The following ACTR5 variants were observed in gnomAD, a reference collection of about 807,000 sequenced individuals.
The protein encoded by ACTR5 is actin-related protein 5.
ACTR5 carries 43 observed loss-of-function variants against 61.2 expected under a neutral mutation model. That is an observed-to-expected ratio of 0.70 (90% CI 0.55 to 0.91). The LOEUF (loss-of-function observed/expected upper bound fraction) is 0.91, where lower values mean the gene tolerates loss of function less well. ACTR5 is among the 40% of genes least tolerant of loss of function. ACTR5 has a pLI of 0.00. For missense variants in ACTR5, 798 were observed against 782.2 expected, an observed-to-expected ratio of 1.02 and a Z score of -0.24; for synonymous variants, 333 against 310.5, an observed-to-expected ratio of 1.07 and a Z score of -0.76.
chr20:38,750,186 A>G lies in ACTR5; in HGVS notation c.552A>G (p.Leu184=), dbSNP rs766502357. The G allele has an allele frequency of 1.9e-6, 3 of 1,614,220 alleles. No homozygotes were observed. Among genetic ancestry groups the G allele is most frequent in the Non-Finnish European group, 2.5e-6 (3 of 1,180,038 alleles). ...CAAAGAACTCGATGTGCAGTGGGCT[A>G]ATCATTTCATCTGGATACCAGTGTA... The part of the protein sequence containing the change: ...NKPKNSMCSG[L]IISSGYQCTH... Residue 184 remains leucine (L), a synonymous_variant, in exon 2 of 9, where the codon CTA becomes CTG. Transcript: ENST00000243903.
At chr20:38,758,995 T>G (rs973484987) in intron 5 of ACTR5, among the ~76,000 whole-genome samples, 2 of 152,250 alleles carry the variant, frequency 1.3e-5, no homozygotes, top group African/African-American at 4.8e-5. Flanking sequence ...CTTGCTATTC[T>G]GCAGTTGTTT....
rs1268784822 is a variant in ACTR5 at position 38,765,460 on chromosome 20, T to C, written c.1235T>C (p.Phe412Ser). The change falls in exon 6 of 9, where the codon TTT becomes TCT. Residue 412 changes from phenylalanine to serine, a missense_variant. Physicochemically the swap from Phe to Ser is radical, Grantham distance 155. Transcript: ENST00000243903. ...GAAGATGTGGAAAGCATGAATGATT[T>C]TGATCCCTTGTTTTCAGAGGAAACA... ...SLEDVESMND[F>S]DPLFSEETPG... is the part of the protein sequence containing the mutation. 3 of 1,614,038 alleles carry C rather than the reference T, an allele frequency of 1.9e-6. No individual in the cohort carries two copies. The highest frequency in any genetic ancestry group is 1.3e-5 in the African/African-American group (1 of 74,912).
chr20:38,763,552 T>A (rs1021243590), intron 5 of ACTR5, among the ~76,000 whole-genome samples: 1 of 152,226 alleles, frequency 6.6e-6, no homozygotes, highest in African/African-American at 2.4e-5. Flanking sequence ...CCCAATTGTC[T>A]TATCCTTAGC....
chr20:38,771,012 G>A (rs117699981), intron 8 of ACTR5, among the ~76,000 whole-genome samples: 3,199 of 152,308 alleles, frequency 0.021, 61 homozygotes, highest in South Asian at 0.083. Context: ...CAGCCTAGCC[G>A]AGGGCCTTCT....
rs1335062921 is a variant in ACTR5, at chr20:38,755,164, T to C, written c.983T>C (p.Leu328Pro). The stretch of plus-strand genomic sequence containing the variant: ...GATCAGGAGCGTCTGGACCGACTGC[T>C]ATATGTGCAGGTAATAGCAGACACA... ...QLDQERLDRL[L>P]YVQELLEDGQ... The change falls in exon 4 of 9, where the codon CTA becomes CCA. Residue 328 changes from leucine (L) to proline (P), a missense_variant. By Grantham distance (98) the Leu-to-Pro change is moderately conservative (BLOSUM62 -3). Transcript: ENST00000243903. The C allele has an allele frequency of 6.2e-7, 1 of 1,610,142 alleles. No individual in the cohort carries two copies. The highest frequency in any genetic ancestry group is 1.1e-5 in the South Asian group (1 of 90,544).
intron 5 of ACTR5, among the ~76,000 whole-genome samples, chr20:38,764,364 A>G (rs2084472866): frequency 6.6e-6 from 1 of 152,198 alleles, no homozygotes; most frequent in Non-Finnish European, 1.5e-5. Flanking sequence ...ATGCAACTAA[A>G]TATTTCTACC....
intron 5 of ACTR5, chr20:38,761,468 C>T (rs538566532): frequency 6.6e-6 from 1 of 152,358 alleles, no homozygotes; most frequent in African/African-American, 2.4e-5. Context: ...GAATGGTCAG[C>T]TTAACCTAGG....
At position 38,771,237 on chromosome 20, in the gene ACTR5, A is replaced by G. The variant is rs575124135; in HGVS notation, c.1567-322A>G. On this transcript the variant is annotated intron_variant, in intron 8 of 8. Transcript: ENST00000243903. ...AGGCCTTTTCCCCAGGTCACGGGCCAGCCTCCACTTCACCTCTCCCTGACA... is the reference window on the plus strand; with the variant it reads ...AGGCCTTTTCCCCAGGTCACGGGCCGGCCTCCACTTCACCTCTCCCTGACA... Among the ~76,000 whole-genome samples, 130 of 152,348 alleles carry G rather than the reference A, an allele frequency of 8.5e-4. 1 individual carries two copies. Among genetic ancestry groups the G allele is most frequent in the African/African-American group, 2.8e-3 (116 of 41,582 alleles).
Position 38,748,498 on chromosome 20 carries a change from C to G in ACTR5, c.20C>G (p.Pro7Arg). Residue 7 changes from proline (P) to arginine (R), a missense_variant, in exon 1 of 9, where the codon CCG (proline) becomes CGG (arginine). Coordinates refer to ENST00000243903, the MANE Select transcript of ACTR5 (RefSeq NM_024855.4). MAANVF[P>R]FRDARAAPDP... ...TCCAAGATGGCGGCGAACGTGTTCC[C>G]GTTCCGCGACGCCCGTGCCGCACCG... 2 of 1,494,104 alleles carry G rather than the reference C, an allele frequency of 1.3e-6. No homozygotes were observed. The allele number at this position is 1,494,104 out of a possible 1,614,324, so 92.6% of individuals were successfully genotyped here. A position where few individuals can be genotyped will look rare whatever the true frequency, so the allele number is the denominator to read the frequency against.
At chr20:38,748,916 C>G in intron 1 of ACTR5, 63 bp downstream of exon 1, 1 of 1,524,998 alleles carries the variant, frequency 6.6e-7, no homozygotes, top group Non-Finnish European at 8.8e-7. Context: ...CTCGTCTCCG[C>G]TCACTCTGCT....
At chr20:38,749,322 A>G (rs1047010604) in intron 1 of ACTR5, among the ~76,000 whole-genome samples, 3 of 152,230 alleles carry the variant, frequency 2.0e-5, no homozygotes, top group Admixed American at 6.5e-5. Context: ...TGTTTGAGCA[A>G]GGACTTGAAG....
chr20:38,754,674 G>A (rs555041436), intron 3 of ACTR5, among the ~76,000 whole-genome samples: 66 of 152,028 alleles, frequency 4.3e-4, no homozygotes, highest in Middle Eastern at 6.8e-3. Context: ...AGCCGAGATC[G>A]CACCACTGCA....
At position 38,771,732 on chromosome 20, in the gene ACTR5, G is replaced by A. The variant is rs61735389; in HGVS notation, c.1740G>A (p.Pro580=). The part of the protein sequence containing the change: ...ASNIYVPIRL[P]KQASRSSDAQ... ...ACATCTATGTCCCCATCCGCCTGCC[G>A]AAGCAGGCCTCCCGCTCCTCAGATG... is the stretch of plus-strand genomic sequence containing the variant. Residue 580 remains proline (P), a synonymous_variant, in exon 9 of 9, where the codon CCG becomes CCA. Coordinates refer to ENST00000243903, the MANE Select transcript of ACTR5 (RefSeq NM_024855.4). The A allele has an allele frequency of 1.5e-4, 244 of 1,614,174 alleles. No individual in the cohort carries two copies. In the African/African-American group the frequency reaches 2.7e-3, roughly 18 times the overall value.
At chr20:38,771,482 G>A in intron 8 of ACTR5, 77 bp from the exon 9 acceptor site, 1 of 1,548,654 alleles carries the variant, frequency 6.5e-7, no homozygotes, top group Non-Finnish European at 8.7e-7. Context: ...TAAAATATCG[G>A]GGGCTGTAGC....
rs1257445864 is a variant in ACTR5 at position 38,767,527 on chromosome 20, G to A, written c.1497G>A (p.Met499Ile). ...QNVFLTGGNT[M>I]YPGMKARMEK... ...TTTTCCTCACTGGCGGCAACACGAT[G>A]TATCCTGGCATGAAAGCCAGAATGG... Residue 499 changes from methionine (M) to isoleucine (I), a missense_variant, in exon 8 of 9, where the codon ATG (methionine) becomes ATA (isoleucine). By Grantham distance (10) the Met-to-Ile change is conservative. Coordinates refer to ENST00000243903, the MANE Select transcript of ACTR5 (RefSeq NM_024855.4). 2.5e-6 allele frequency: 4 copies of A among 1,614,166 alleles called. No individual in the cohort carries two copies. Among genetic ancestry groups the A allele is most frequent in the Non-Finnish European group, 3.4e-6 (4 of 1,180,006 alleles).
intron 4 of ACTR5, among the ~76,000 whole-genome samples, chr20:38,755,390 T>C (rs1378277258): frequency 6.6e-6 from 1 of 152,250 alleles, no homozygotes; most frequent in Admixed American, 6.5e-5. Context: ...TTTCACCTTA[T>C]AAACTCCTTT....
chr20:38,762,484 C>T (rs970139536), intron 5 of ACTR5, among the ~76,000 whole-genome samples: 15 of 152,216 alleles, frequency 9.9e-5, no homozygotes, highest in African/African-American at 3.1e-4. Flanking sequence ...AGACCCTCCA[C>T]CTCTGTTTGG....
intron 2 of ACTR5, among the ~76,000 whole-genome samples, chr20:38,751,902 T>C (rs1231021228): frequency 6.6e-6 from 1 of 152,098 alleles, no homozygotes; most frequent in African/African-American, 2.4e-5. Flanking sequence ...CTGACTGGAG[T>C]GCATACTTGT....
chr20:38,769,061 C>T (rs1405010232), intron 8 of ACTR5, among the ~76,000 whole-genome samples: 1 of 152,228 alleles, frequency 6.6e-6, no homozygotes, highest in Non-Finnish European at 1.5e-5. Context: ...ACCTTAAGAA[C>T]TGTCCAGGGT....
Sources: gnomAD v4.1 joint callset for allele counts (sites outside exome capture counted in the v4.1 genomes callset) on GRCh38, gnomAD v4.1.1 for gene constraint, MANE v1.5 for transcripts, NCBI Gene and HGNC (gene_info 2026-07-23, HGNC 2026-07-21) for gene names.